LRRC69: variants seen among roughly 807,000 people sequenced by gnomAD.
LRRC69 encodes the protein leucine rich repeat containing 69, also known as leucine-rich repeat-containing protein 69.
LRRC69 carries 42 observed loss-of-function variants against 37.8 expected under a neutral mutation model. The ratio of observed to expected loss-of-function variants is 1.11; its 90% CI spans 0.87 to 1.44. The LOEUF is 1.44. Ranked by LOEUF, LRRC69 falls within the 40% of genes most tolerant of loss-of-function variation. The probability of loss-of-function intolerance (pLI) is 0.00; values close to 1 mark genes in which losing one functional copy is unlikely to be tolerated. For synonymous variants in LRRC69, 141 were observed against 143.1 expected (o/e 0.99, Z 0.11); for missense variants, 357 against 401.9 (o/e 0.89, Z 0.96).
chr8:91,117,261 A>T (rs898654670), intron 1 of LRRC69, among the ~76,000 whole-genome samples: 1 of 152,042 alleles, frequency 6.6e-6, no homozygotes, highest in Non-Finnish European at 1.5e-5. Context: ...TCCATTCTTT[A>T]CATCTTTTGC....
chr8:91,161,089 A>C (rs937683297), intron 5 of LRRC69, among the ~76,000 whole-genome samples: 2 of 151,350 alleles, frequency 1.3e-5, no homozygotes, highest in African/African-American at 2.4e-5. Flanking sequence ...GATATGATGT[A>C]TTATATATTT....
chr8:91,178,872 T>C (rs1482092110), intron 5 of LRRC69, among the ~76,000 whole-genome samples: 2 of 152,198 alleles, frequency 1.3e-5, no homozygotes, highest in Non-Finnish European at 2.9e-5. Flanking sequence ...GCAGTTTCAT[T>C]CCTGGATGTT....
At chr8:91,117,980 A>G (rs1443532538) in intron 1 of LRRC69, among the ~76,000 whole-genome samples, 2 of 151,862 alleles carry the variant, frequency 1.3e-5, no homozygotes, top group African/African-American at 2.4e-5. Context: ...TATGATAGCA[A>G]TCTTCAAAAA....
At chr8:91,127,272 G>A in intron 3 of LRRC69, 112 bp downstream of exon 3, 1 of 739,866 alleles carries the variant, frequency 1.4e-6, no homozygotes. Context: ...TTTATACATA[G>A]CAAAGAGGGA....
chr8:91,177,465 T>A (rs532117593), intron 5 of LRRC69, among the ~76,000 whole-genome samples: 1 of 152,190 alleles, frequency 6.6e-6, no homozygotes, highest in Non-Finnish European at 1.5e-5. Flanking sequence ...ACTATATATA[T>A]ATTGAAATAT....
chr8:91,196,105 G>A (rs28824884), intron 6 of LRRC69, among the ~76,000 whole-genome samples: 75,758 of 151,172 alleles, frequency 0.5, 19,649 homozygotes, highest in South Asian at 0.62. Context: ...CACTTATGAA[G>A]CTTAGTTTGG....
intron 1 of LRRC69, among the ~76,000 whole-genome samples, chr8:91,113,004 A>C (rs980383588): frequency 3.9e-5 from 6 of 152,000 alleles, no homozygotes; most frequent in South Asian, 2.1e-4. Context: ...GTACTCACAA[A>C]CAACCAAACA....
At chr8:91,127,183 T>G in intron 3 of LRRC69, 23 bp downstream of exon 3, 1 of 1,531,852 alleles carries the variant, frequency 6.5e-7, no homozygotes. Flanking sequence ...ATAGCAAGAC[T>G]TGGTTAACAA....
At chr8:91,166,517 C>T (rs914388940) in intron 5 of LRRC69, among the ~76,000 whole-genome samples, 2 of 93,234 alleles carry the variant, frequency 2.1e-5, no homozygotes, top group Middle Eastern at 6.3e-3. Flanking sequence ...AAAAAAAAAA[C>T]CTATGAATAC....
chr8:91,139,403 G>A (rs554672395), intron 5 of LRRC69, among the ~76,000 whole-genome samples: 5 of 151,994 alleles, frequency 3.3e-5, no homozygotes, highest in South Asian at 4.1e-4. Flanking sequence ...TTAGCAGGGC[G>A]TGGTGGCGGG....
chr8:91,111,675 A>G (rs1813412114), intron 1 of LRRC69, among the ~76,000 whole-genome samples: 1 of 152,018 alleles, frequency 6.6e-6, no homozygotes, highest in Admixed American at 6.6e-5. Context: ...TGGCAGCTAA[A>G]TGATAAGAAC....
At chr8:91,212,359 A>G (rs1288480227) in intron 7 of LRRC69, among the ~76,000 whole-genome samples, 1 of 152,088 alleles carries the variant, frequency 6.6e-6, no homozygotes, top group Non-Finnish European at 1.5e-5. Context: ...AGATTCCTTT[A>G]AAGTTGAATA....
At chr8:91,196,952 T>G (rs1044804263) in intron 6 of LRRC69, among the ~76,000 whole-genome samples, 5 of 151,994 alleles carry the variant, frequency 3.3e-5, no homozygotes, top group Non-Finnish European at 7.4e-5. Context: ...TCTGTTCTGT[T>G]TTTTCCCCAT....
chr8:91,119,033 A>G (rs2130494117), intron 1 of LRRC69, among the ~76,000 whole-genome samples: 1 of 152,014 alleles, frequency 6.6e-6, no homozygotes, highest in Admixed American at 6.6e-5. Context: ...CACACTATTC[A>G]TTTGTTTACT....
intron 6 of LRRC69, among the ~76,000 whole-genome samples, chr8:91,198,134 C>G (rs1809650229): frequency 6.6e-6 from 1 of 152,114 alleles, no homozygotes; most frequent in African/African-American, 2.4e-5. Flanking sequence ...TACCTCACCT[C>G]AGAGATTTAT....
At chr8:91,154,659 G>A (rs1271807195) in intron 5 of LRRC69, among the ~76,000 whole-genome samples, 2 of 150,392 alleles carry the variant, frequency 1.3e-5, no homozygotes, top group African/African-American at 4.9e-5. Flanking sequence ...GACAGTCTTC[G>A]ATAAAATTCA....
Position 91,157,497 on chromosome 8 carries a change from A to G in LRRC69, c.651+21758A>G. ...GTTTACATGCAAATTGGAGACAGAAAGATGTAGACAAGGAGTTCTATTTGT... is the reference window on the plus strand; with the variant it reads ...GTTTACATGCAAATTGGAGACAGAAGGATGTAGACAAGGAGTTCTATTTGT... On this transcript the variant is annotated intron_variant, in intron 5 of 7. Transcript: ENST00000448384. 14 of 1,574,016 alleles carry G rather than the reference A, an allele frequency of 8.9e-6. 1 individual carries two copies. The highest frequency in any genetic ancestry group is 1.2e-5 in the Non-Finnish European group (14 of 1,147,382).
Position 91,125,497 on chromosome 8 carries a change from T to G in LRRC69, c.310+878T>G, listed in dbSNP as rs116987647. 1.1e-3 allele frequency among the ~76,000 whole-genome samples: 173 copies of G among 151,980 alleles called. 3 individuals are homozygous for G. In the East Asian group the frequency reaches 0.029, roughly 25 times the overall value. ...ATATTCTTTTCCAAAATAATAGATG[T>G]AACAAACAATTATTGAACTTGAACA... is the stretch of plus-strand genomic sequence containing the variant. On this transcript the variant is annotated intron_variant, in intron 2 of 7. Transcript: ENST00000448384.
intron 5 of LRRC69, among the ~76,000 whole-genome samples, chr8:91,163,170 C>G (rs1042832159): frequency 1.4e-4 from 21 of 151,250 alleles, no homozygotes; most frequent in Admixed American, 6.0e-4. Context: ...TCAAAGTAGC[C>G]TCTACTCTAT....
Sources: allele counts gnomAD v4.1 joint callset (sites outside exome capture counted in the v4.1 genomes callset), GRCh38; gene constraint gnomAD v4.1.1; transcripts MANE v1.5; gene names NCBI Gene and HGNC (gene_info 2026-07-23, HGNC 2026-07-21).